Variants in MAGI2 observed in about 807,000 individuals in gnomAD.
MAGI2 encodes membrane associated guanylate kinase, WW and PDZ domain containing 2, also known as membrane-associated guanylate kinase, WW and PDZ domain-containing protein 2.
Under a neutral mutation model 133.3 loss-of-function variants are expected in MAGI2, and 35 were observed. The observed-to-expected ratio is 0.26, with a 90% CI of 0.20 to 0.35. The LOEUF is 0.35. Ranked by LOEUF, MAGI2 falls within the 10% of genes least tolerant of loss-of-function variation. The probability of loss-of-function intolerance (pLI) is 1.00; values close to 1 mark genes in which losing one functional copy is unlikely to be tolerated. For missense variants in MAGI2, 1,636 were observed against 1,863.4 expected, an observed-to-expected ratio of 0.88 and a Z score of 2.25; for synonymous variants, 729 against 710.6, an observed-to-expected ratio of 1.03 and a Z score of -0.41.
intron 1 of MAGI2, among the ~76,000 whole-genome samples, chr7:79,408,550 G>A (rs68156712): frequency 0.15 from 22,939 of 151,906 alleles, 1,923 homozygotes; most frequent in East Asian, 0.29. Context: ...TTAAATAAAT[G>A]TCTAAATGGA....
rs1307788373 is a variant in MAGI2, at chr7:79,324,536, T to TATAA, written c.301+128483_301+128484insTTAT. ...ACCATATATATACACCATATATATA[T>TATAA]AACCATATATATACATATATACACA... On this transcript the variant is annotated intron_variant, in intron 1 of 21. Coordinates refer to ENST00000354212, the MANE Select transcript of MAGI2 (RefSeq NM_012301.4). Among the ~76,000 whole-genome samples, 4 of 71,518 alleles carry TATAA rather than the reference T, an allele frequency of 5.6e-5. 1 individual carries two copies. The highest frequency in any genetic ancestry group is 1.9e-4 in the African/African-American group (4 of 20,690). 46.9% of individuals were successfully genotyped at this position (71,518 alleles called of 152,430 possible). A position where few individuals can be genotyped will look rare whatever the true frequency, so the allele number is the denominator to read the frequency against.
At chr7:78,745,688 C>T (rs542458130) in intron 2 of MAGI2, among the ~76,000 whole-genome samples, 50 of 152,274 alleles carry the variant, frequency 3.3e-4, no homozygotes, top group Non-Finnish European at 6.9e-4. Flanking sequence ...GTAATAAGAA[C>T]AAGTTGCCCA....
At position 78,018,343 on chromosome 7, in the gene MAGI2, G is replaced by T. The variant is rs1010400110; in HGVS notation, c.*972C>A. ...AGTGCAAATGAAGTCATGGAGACAG[G>T]GTTTAAAATAAGACAATAAAATAAG... On this transcript the variant is annotated 3_prime_UTR_variant, in exon 22 of 22. Transcript: ENST00000354212. 6.6e-5 allele frequency: 10 copies of T among 152,466 alleles called. No homozygotes were observed. The highest frequency in any genetic ancestry group is 2.4e-4 in the African/African-American group (10 of 41,424). The allele number at this position is 152,466 out of a possible 1,614,324, so 9.4% of individuals were successfully genotyped here.
intron 1 of MAGI2, among the ~76,000 whole-genome samples, chr7:79,089,440 A>C (rs979591124): frequency 2.0e-5 from 3 of 152,108 alleles, no homozygotes; most frequent in Admixed American, 6.6e-5. Context: ...TTGACCTAGC[A>C]ATCCCATTAC....
chr7:78,867,104 A>C (rs1213409836), intron 2 of MAGI2, among the ~76,000 whole-genome samples: 1 of 149,616 alleles, frequency 6.7e-6, no homozygotes, highest in African/African-American at 2.5e-5. Flanking sequence ...ACTGTAAACT[A>C]GTTCAACCAT....
intron 2 of MAGI2, among the ~76,000 whole-genome samples, chr7:78,771,571 A>T (rs2151321011): frequency 6.6e-6 from 1 of 152,342 alleles, no homozygotes; most frequent in East Asian, 1.9e-4. Context: ...TTCAGTGTTA[A>T]TAACAAGGCT....
intron 14 of MAGI2, 26 bp downstream of exon 14, chr7:78,177,985 A>T (rs1826823957): frequency 1.3e-6 from 2 of 1,530,062 alleles, no homozygotes; most frequent in Non-Finnish European, 9.1e-7. Context: ...AGCCCCAAGC[A>T]TGGAAATAAA....
intron 3 of MAGI2, among the ~76,000 whole-genome samples, chr7:78,580,708 C>G (rs1802746063): frequency 1.3e-5 from 2 of 152,150 alleles, no homozygotes; most frequent in South Asian, 4.1e-4. Flanking sequence ...ATTCTGATGC[C>G]TACGTATAGC....
chr7:78,541,348 T>C (rs911317540), intron 3 of MAGI2, among the ~76,000 whole-genome samples: 9 of 152,222 alleles, frequency 5.9e-5, no homozygotes, highest in African/African-American at 2.2e-4. Context: ...TAATTATTTA[T>C]TTGATGTCTG....
chr7:78,093,303 T>TA (rs952873276), intron 20 of MAGI2, among the ~76,000 whole-genome samples: 25 of 148,954 alleles, frequency 1.7e-4, no homozygotes, highest in South Asian at 8.6e-4. Flanking sequence ...ATTAAAAATG[T>TA]AAAAAAAAAT....
chr7:79,179,989 C>G (rs947274178), intron 1 of MAGI2, among the ~76,000 whole-genome samples: 1 of 152,030 alleles, frequency 6.6e-6, no homozygotes, highest in African/African-American at 2.4e-5. Context: ...AAGAAGCAAC[C>G]TGTTGAATGG....
chr7:78,739,028 T>C (rs1391533036), intron 2 of MAGI2, among the ~76,000 whole-genome samples: 1 of 152,218 alleles, frequency 6.6e-6, no homozygotes, highest in African/African-American at 2.4e-5. Context: ...TGAAAAGAGA[T>C]ACTCAGTTTA....
intron 2 of MAGI2, among the ~76,000 whole-genome samples, chr7:78,643,132 T>C (rs745644086): frequency 1.3e-5 from 2 of 152,180 alleles, no homozygotes; most frequent in Admixed American, 6.5e-5. Flanking sequence ...CTTAAATACA[T>C]ACAACTATTA....
chr7:78,751,062 T>C (rs931520887), intron 2 of MAGI2, among the ~76,000 whole-genome samples: 2 of 152,166 alleles, frequency 1.3e-5, no homozygotes, highest in South Asian at 2.1e-4. Flanking sequence ...CTTTAAATGA[T>C]AGAGAAAAAG....
At chr7:78,054,589 C>CTT (rs3972364) in intron 21 of MAGI2, among the ~76,000 whole-genome samples, 22 of 141,822 alleles carry the variant, frequency 1.6e-4, no homozygotes, top group East Asian at 8.3e-4. Context: ...CATAGGCATA[C>CTT]TTTTTTTTTT....
chr7:79,422,933 T>C (rs1221029434), intron 1 of MAGI2, among the ~76,000 whole-genome samples: 3 of 152,050 alleles, frequency 2.0e-5, no homozygotes, highest in Non-Finnish European at 2.9e-5. Context: ...GTCTTATACA[T>C]CATTGAAGCT....
intron 2 of MAGI2, among the ~76,000 whole-genome samples, chr7:78,681,707 G>A (rs994993414): frequency 1.3e-4 from 20 of 152,054 alleles, no homozygotes; most frequent in Non-Finnish European, 2.9e-5. Flanking sequence ...TGTGATAAGC[G>A]AAGTCACAAA....
At chr7:78,894,347 A>T (rs1350673420) in intron 2 of MAGI2, among the ~76,000 whole-genome samples, 25 of 152,222 alleles carry the variant, frequency 1.6e-4, no homozygotes, top group Admixed American at 1.6e-3. Context: ...GCTTGCAGTG[A>T]GCGGAGATCG....
At chr7:79,405,923 A>C (rs1358761403) in intron 1 of MAGI2, among the ~76,000 whole-genome samples, 8 of 31,360 alleles carry the variant, frequency 2.6e-4, no homozygotes, top group African/African-American at 1.2e-3. Flanking sequence ...CCACAACACA[A>C]AAAAAAAAAA....
Sources: gnomAD v4.1 joint callset for allele counts (sites outside exome capture counted in the v4.1 genomes callset) on GRCh38, gnomAD v4.1.1 for gene constraint, MANE v1.5 for transcripts, NCBI Gene and HGNC (gene_info 2026-07-23, HGNC 2026-07-21) for gene names.